Variants in MTA3 observed in about 807,000 individuals in gnomAD.
MTA3 encodes the protein metastasis associated 1 family member 3, also known as metastasis-associated protein MTA3.
MTA3 carries 34 observed loss-of-function variants against 83.5 expected under a neutral mutation model. That is an observed-to-expected ratio of 0.41 (90% CI 0.31 to 0.54). MTA3 has a LOEUF of 0.54. MTA3 is among the 20% of genes least tolerant of loss of function. The pLI is 0.33. For missense variants in MTA3, 761 were observed against 726.4 expected, an observed-to-expected ratio of 1.05 and a Z score of -0.55; for synonymous variants, 303 against 252.7, an observed-to-expected ratio of 1.20 and a Z score of -1.89.
At chr2:42,685,240 G>C (rs114224088) in intron 9 of MTA3, among the ~76,000 whole-genome samples, 93 of 152,206 alleles carry the variant, frequency 6.1e-4, no homozygotes, top group Non-Finnish European at 1.2e-3. Context: ...TTTTTTTGTT[G>C]TCTTTGTGGT....
intron 2 of MTA3, among the ~76,000 whole-genome samples, chr2:42,552,075 A>C (rs7600470): frequency 0.014 from 2,085 of 152,046 alleles, 48 homozygotes; most frequent in African/African-American, 0.047. Flanking sequence ...CCAGGCTGGT[A>C]TCAAATTCCT....
At chr2:42,553,280 C>T (rs1283623222) in intron 2 of MTA3, among the ~76,000 whole-genome samples, 4 of 151,844 alleles carry the variant, frequency 2.6e-5, no homozygotes, top group African/African-American at 9.7e-5. Context: ...AAAAATTCGC[C>T]GGGCATGGTG....
At chr2:42,685,123 CTG>C (rs1360405982) in intron 9 of MTA3, among the ~76,000 whole-genome samples, 1 of 152,162 alleles carries the variant, frequency 6.6e-6, no homozygotes, top group African/African-American at 2.4e-5. Flanking sequence ...GAAGATAACT[CTG>C]TGAACTGTAG....
intron 2 of MTA3, among the ~76,000 whole-genome samples, chr2:42,548,208 G>A (rs1676848642): frequency 6.6e-6 from 1 of 152,036 alleles, no homozygotes; most frequent in Non-Finnish European, 1.5e-5. Context: ...CTCATGCCTG[G>A]AATCCCAGCA....
At chr2:42,634,018 C>T (rs1442000705) in intron 4 of MTA3, among the ~76,000 whole-genome samples, 3 of 152,012 alleles carry the variant, frequency 2.0e-5, no homozygotes, top group Non-Finnish European at 2.9e-5. Flanking sequence ...GATATTGTAT[C>T]CCAGGGACCT....
chr2:42,654,317 C>T (rs1688970381), intron 6 of MTA3, among the ~76,000 whole-genome samples: 1 of 152,148 alleles, frequency 6.6e-6, no homozygotes, highest in Non-Finnish European at 1.5e-5. Context: ...ACTAGGCGGC[C>T]CATAGCCTGG....
intron 2 of MTA3, among the ~76,000 whole-genome samples, chr2:42,544,004 T>G (rs965546402): frequency 6.6e-6 from 1 of 152,028 alleles, no homozygotes; most frequent in African/African-American, 2.4e-5. Context: ...ATCTTTAAAC[T>G]AGAAAGACAC....
chr2:42,675,317 G>A (rs1691241447), intron 8 of MTA3, among the ~76,000 whole-genome samples: 1 of 151,950 alleles, frequency 6.6e-6, no homozygotes, highest in African/African-American at 2.4e-5. Context: ...TGTATTTTTA[G>A]TAGAGATGGG....
chr2:42,669,527 A>C (rs2104402436), intron 8 of MTA3, among the ~76,000 whole-genome samples: 1 of 152,340 alleles, frequency 6.6e-6, no homozygotes, highest in South Asian at 2.1e-4. Flanking sequence ...TCATGTTTCC[A>C]AGGCTATAAA....
intron 16 of MTA3, among the ~76,000 whole-genome samples, chr2:42,752,929 CTT>C (rs1460463160): frequency 1.3e-5 from 2 of 148,252 alleles, no homozygotes; most frequent in African/African-American, 2.5e-5. Context: ...ATTGTGAGCC[CTT>C]TTTTTTTTTT....
At chr2:42,524,934 G>C (rs777988397) in intron 2 of MTA3, among the ~76,000 whole-genome samples, 29 of 148,832 alleles carry the variant, frequency 1.9e-4, no homozygotes, top group Non-Finnish European at 4.3e-4. Context: ...TTGAATTACC[G>C]AAGGTGAAGC....
At chr2:42,620,645 A>G (rs997447209) in intron 4 of MTA3, among the ~76,000 whole-genome samples, 3 of 152,148 alleles carry the variant, frequency 2.0e-5, no homozygotes, top group African/African-American at 7.2e-5. Context: ...GGTGCACGGT[A>G]CCATGCCTGG....
chr2:42,586,645 G>A (rs1195413032), intron 3 of MTA3, among the ~76,000 whole-genome samples: 3 of 151,130 alleles, frequency 2.0e-5, no homozygotes, highest in Admixed American at 1.3e-4. Context: ...GGCTCCCAGC[G>A]CTTTGGCTTC....
chr2:42,594,728 A>ATATATATATATATATATTT, intron 3 of MTA3, among the ~76,000 whole-genome samples: 1 of 24,044 alleles, frequency 4.2e-5, no homozygotes, highest in Non-Finnish European at 6.5e-5. Context: ...ATATATATAT[A>ATATATATATATATATATTT]TTTTTTTTTT....
At chr2:42,556,125 G>A (rs1012344491) in intron 2 of MTA3, among the ~76,000 whole-genome samples, 1 of 151,678 alleles carries the variant, frequency 6.6e-6, no homozygotes, top group Non-Finnish European at 1.5e-5. Context: ...AGAGAGAAAA[G>A]GAGATGGAGC....
intron 2 of MTA3, among the ~76,000 whole-genome samples, chr2:42,540,653 A>G (rs1388303043): frequency 2.6e-5 from 4 of 151,724 alleles, no homozygotes; most frequent in African/African-American, 4.8e-5. Flanking sequence ...TGGGCAACAT[A>G]GTAAGACCTT....
At chr2:42,674,424 C>T (rs959500595) in intron 8 of MTA3, among the ~76,000 whole-genome samples, 1 of 152,208 alleles carries the variant, frequency 6.6e-6, no homozygotes, top group African/African-American at 2.4e-5. Flanking sequence ...TGAAATGTGA[C>T]AACACCTTCA....
At chr2:42,660,243 C>A (rs1211322500) in intron 8 of MTA3, among the ~76,000 whole-genome samples, 1 of 152,118 alleles carries the variant, frequency 6.6e-6, no homozygotes, top group Admixed American at 6.5e-5. Flanking sequence ...CACGTGCCAC[C>A]ACACCCAGCT....
chr2:42,535,444 T>G (rs562336899), intron 2 of MTA3, among the ~76,000 whole-genome samples: 1 of 152,134 alleles, frequency 6.6e-6, no homozygotes, highest in South Asian at 2.1e-4. Flanking sequence ...GGAGATGGGA[T>G]CTCACCATGT....
Sources: allele counts gnomAD v4.1 joint callset (sites outside exome capture counted in the v4.1 genomes callset), GRCh38; gene constraint gnomAD v4.1.1; transcripts MANE v1.5; gene names NCBI Gene and HGNC (gene_info 2026-07-23, HGNC 2026-07-21).